LONP2: variants seen among roughly 807,000 people sequenced by gnomAD.
LONP2 encodes lon protease homolog 2, peroxisomal.
A neutral mutation model predicts 85.6 loss-of-function variants in LONP2; 60 were observed. The ratio of observed to expected loss-of-function variants is 0.70; its 90% confidence interval spans 0.57 to 0.87. The LOEUF is 0.87. Ranked by LOEUF, LONP2 falls within the 40% of genes least tolerant of loss-of-function variation. LONP2 has a pLI of 0.00. For synonymous variants in LONP2, 395 were observed against 389.7 expected, an observed-to-expected ratio of 1.01 and a Z score of -0.16; for missense variants, 860 against 1,063.5, an observed-to-expected ratio of 0.81 and a Z score of 2.66.
intron 8 of LONP2, among the ~76,000 whole-genome samples, chr16:48,288,150 C>CT (rs1170612024): frequency 0.014 from 1,650 of 121,518 alleles, 41 homozygotes; most frequent in African/African-American, 0.028. Context: ...TAGTCTTCTT[C>CT]TTTTTTTTTT....
At chr16:48,298,485 A>G (rs1054311635) in intron 9 of LONP2, among the ~76,000 whole-genome samples, 1 of 152,094 alleles carries the variant, frequency 6.6e-6, no homozygotes, top group Non-Finnish European at 1.5e-5. Context: ...ACATATATAT[A>G]TATACCATCA....
chr16:48,258,734 TAA>T lies in LONP2; in HGVS notation c.718_719del (p.Lys240GlufsTer9). 6.2e-7 allele frequency: 1 copy of T among 1,603,624 alleles called. No individual in the cohort carries two copies. Among genetic ancestry groups the T allele is most frequent in the Non-Finnish European group, 8.5e-7 (1 of 1,176,956 alleles). On this transcript the variant is annotated frameshift_variant, in exon 4 of 15. Transcript: ENST00000285737. LOFTEE classifies it high-confidence loss of function. ...CCAGAAAACCCAAGCAAGATGATGATAAGAGGGTAAATATTTATTTTAACCCA... is the reference window on the plus strand; with the variant it reads ...CCAGAAAACCCAAGCAAGATGATGATGAGGGTAAATATTTATTTTAACCCA... ...KTRKPKQDDD[K>X]RVIAIRPIRR...
intron 12 of LONP2, chr16:48,344,575 G>C (rs141151196): frequency 6.6e-6 from 1 of 152,278 alleles, no homozygotes; most frequent in East Asian, 1.9e-4. Context: ...CCAGCAAATG[G>C]GGAATATTGG....
At chr16:48,292,044 G>A (rs1383365898) in intron 8 of LONP2, among the ~76,000 whole-genome samples, 1 of 152,170 alleles carries the variant, frequency 6.6e-6, no homozygotes, top group Admixed American at 6.5e-5. Flanking sequence ...AGAGACAAAC[G>A]GTTGCATTCT....
intron 8 of LONP2, 21 bp from the exon 9 acceptor site, chr16:48,295,994 A>G (rs769306335): frequency 6.2e-7 from 1 of 1,606,964 alleles, no homozygotes; most frequent in South Asian, 1.1e-5. Flanking sequence ...AGTTTTTAAA[A>G]TGTTTTTTGT....
chr16:48,341,974 T>C (rs1959825644), intron 12 of LONP2, among the ~76,000 whole-genome samples: 1 of 152,164 alleles, frequency 6.6e-6, no homozygotes, highest in South Asian at 2.1e-4. Context: ...GGAGACAGAA[T>C]CCTGAGTTTT....
At chr16:48,328,341 C>T (rs1334883410) in intron 11 of LONP2, among the ~76,000 whole-genome samples, 10 of 151,392 alleles carry the variant, frequency 6.6e-5, no homozygotes, top group Non-Finnish European at 1.3e-4. Flanking sequence ...ATCAGGAGTT[C>T]GAGACTAGCC....
At chr16:48,358,643 C>T (rs1048765186), downstream of LONP2, among the ~76,000 whole-genome samples, 2 of 151,958 alleles carry the variant, frequency 1.3e-5, no homozygotes, top group African/African-American at 4.8e-5. Context: ...GGCAACATAG[C>T]GAGACCCCAT....
intron 11 of LONP2, among the ~76,000 whole-genome samples, chr16:48,316,478 C>T (rs982853310): frequency 1.3e-5 from 2 of 151,458 alleles, no homozygotes; most frequent in Non-Finnish European, 2.9e-5. Flanking sequence ...AGGCGCCCGC[C>T]ACCACACCCG....
At chr16:48,334,583 C>G (rs1428231603) in intron 12 of LONP2, 1 of 668,672 alleles carries the variant, frequency 1.5e-6, no homozygotes, top group Admixed American at 2.2e-5. Context: ...CATCTTCTTG[C>G]AGTTGTATTT....
At position 48,302,209 on chromosome 16, in the gene LONP2, TA is replaced by T. The variant is rs1972821136; in HGVS notation, c.1662-961del. ...TTTAAAGCCCAAATGTAGAAGTTGT[TA>T]AGATGCCTCCCTGTTTTCTCCCTTA... On this transcript the variant is annotated intron_variant, in intron 10 of 14. Transcript: ENST00000285737. 2.0e-5 allele frequency among the ~76,000 whole-genome samples: 3 copies of T among 152,362 alleles called. No individual in the cohort carries two copies. The South Asian group carries it at 6.2e-4, about 32-fold the overall frequency.
In LONP2 at chr16:48,248,267, A is replaced by T. The variant is rs185152802; in HGVS notation, c.233+3646A>T. On this transcript the variant is annotated intron_variant, in intron 1 of 14. Coordinates refer to ENST00000285737, the MANE Select transcript of LONP2 (RefSeq NM_031490.5). The stretch of plus-strand genomic sequence containing the variant: ...CTCCTGAGTGTCTGGGATTACAGGC[A>T]TGTGCCACAATGCCTAGCTATTTTT... 1.1e-3 allele frequency among the ~76,000 whole-genome samples: 169 copies of T among 148,408 alleles called. 1 individual carries two copies. The highest frequency in any genetic ancestry group is 3.9e-3 in the African/African-American group (159 of 40,558).
intron 8 of LONP2, among the ~76,000 whole-genome samples, chr16:48,284,585 A>G (rs1199985295): frequency 6.6e-6 from 1 of 152,248 alleles, no homozygotes; most frequent in Non-Finnish European, 1.5e-5. Flanking sequence ...TTATAGCAAG[A>G]AAGTATTTGT....
intron 6 of LONP2, among the ~76,000 whole-genome samples, chr16:48,264,680 T>C (rs996690224): frequency 6.6e-6 from 1 of 152,218 alleles, no homozygotes; most frequent in African/African-American, 2.4e-5. Flanking sequence ...GAGTATTGAT[T>C]GAGGAAGTGA....
At chr16:48,341,059 T>C (rs1462389868) in intron 12 of LONP2, among the ~76,000 whole-genome samples, 5 of 152,140 alleles carry the variant, frequency 3.3e-5, no homozygotes, top group African/African-American at 1.2e-4. Context: ...CCCAGCACTT[T>C]GGGAGGCCAA....
intron 4 of LONP2, among the ~76,000 whole-genome samples, chr16:48,260,155 T>C (rs1971844404): frequency 6.6e-6 from 1 of 152,218 alleles, no homozygotes; most frequent in Non-Finnish European, 1.5e-5. Flanking sequence ...TTTTTATTTA[T>C]AATATTTTAT....
chr16:48,362,726 A>C lies in LONP2; in HGVS notation c.*863A>C. 7.2e-6 allele frequency: 2 copies of C among 277,382 alleles called. No individual in the cohort carries two copies. The highest frequency in any genetic ancestry group is 7.3e-6 in the Non-Finnish European group (1 of 136,684). 17.2% of individuals were successfully genotyped at this position (277,382 alleles called of 1,614,324 possible). A position where few individuals can be genotyped will look rare whatever the true frequency, so the allele number is the denominator to read the frequency against. On this transcript the variant is annotated 3_prime_UTR_variant, in exon 5 of 5. Transcript: ENST00000565867. This position sits in a 1 kb window ranked among gnomAD's most constrained non-coding sequence, Gnocchi z 4.2. ...AGAATAATAAATGCTAAAATAGAAA[A>C]TGGACCATAAACAACTAAAGAAACT...
intron 8 of LONP2, among the ~76,000 whole-genome samples, chr16:48,278,925 T>G (rs895395292): frequency 2.6e-5 from 4 of 152,190 alleles, no homozygotes; most frequent in Non-Finnish European, 5.9e-5. Flanking sequence ...TCCACTTTTA[T>G]GTTTTGCTCT....
At chr16:48,248,731 A>T (rs1441759089) in intron 1 of LONP2, among the ~76,000 whole-genome samples, 4 of 152,060 alleles carry the variant, frequency 2.6e-5, no homozygotes, top group African/African-American at 9.7e-5. Flanking sequence ...AAATTTTTTA[A>T]AAGTGGCTGG....
Sources: gnomAD v4.1 joint callset for allele counts (sites outside exome capture counted in the v4.1 genomes callset) on GRCh38, gnomAD v4.1.1 for gene constraint, Gnocchi (gnomAD v3.1) non-coding constraint, MANE v1.5 for transcripts, NCBI Gene and HGNC (gene_info 2026-07-23, HGNC 2026-07-21) for gene names.